The following FKBP9 variants were observed in gnomAD, a reference collection of about 807,000 sequenced individuals.
The protein encoded by FKBP9 is peptidyl-prolyl cis-trans isomerase FKBP9.
In FKBP9, 27 loss-of-function variants were observed where a neutral mutation model predicts 55.6. The ratio of observed to expected loss-of-function variants is 0.49; its 90% CI spans 0.36 to 0.67. FKBP9 has a LOEUF of 0.67. Among genes scored for constraint, FKBP9 ranks in the 30% least tolerant of loss-of-function variants. The pLI, the probability that FKBP9 is intolerant of heterozygous loss-of-function variation, is 0.00. For synonymous variants in FKBP9, 267 were observed against 296.5 expected (o/e 0.90, Z 1.02); for missense variants, 539 against 742.8 (o/e 0.73, Z 3.19).
Position 32,985,182 on chromosome 7 carries a change from T to C in FKBP9, c.894-3325T>C, listed in dbSNP as rs556023009. Among the ~76,000 whole-genome samples, 36 of 150,632 alleles carry C rather than the reference T, an allele frequency of 2.4e-4. No individual in the cohort carries two copies. The South Asian group carries it at 2.9e-3, about 12-fold the overall frequency. ...TTTCTTTTTCTTTCTTTCTTTCTTT[T>C]TTTTTTTTTTTGAGACGGAGCCTCG... On this transcript the variant is annotated intron_variant, in intron 5 of 9. Coordinates refer to ENST00000242209, the MANE Select transcript of FKBP9 (RefSeq NM_007270.5).
intron 1 of FKBP9, among the ~76,000 whole-genome samples, chr7:32,973,682 GTTTT>G (rs745717239): frequency 0.012 from 776 of 64,954 alleles, 13 homozygotes; most frequent in African/African-American, 0.041. Flanking sequence ...GTTTTTTGTT[GTTTT>G]TTTTTTTTTT....
intron 1 of FKBP9, among the ~76,000 whole-genome samples, chr7:32,959,953 G>A (rs1481506529): frequency 6.6e-6 from 1 of 152,026 alleles, no homozygotes. Flanking sequence ...TATATACCTA[G>A]GAGTTGGAAT....
chr7:32,969,569 A>G (rs1303930271), intron 1 of FKBP9, among the ~76,000 whole-genome samples: 2 of 151,952 alleles, frequency 1.3e-5, no homozygotes, highest in African/African-American at 4.8e-5. Flanking sequence ...ATTTTGATCT[A>G]TTGGTCTATG....
chr7:32,959,572 C>T (rs896236845), intron 1 of FKBP9, among the ~76,000 whole-genome samples: 1 of 152,140 alleles, frequency 6.6e-6, no homozygotes, highest in African/African-American at 2.4e-5. Flanking sequence ...TTCATCACCC[C>T]CAAAAAAGAA....
intron 6 of FKBP9, among the ~76,000 whole-genome samples, chr7:32,990,120 C>G (rs1784652003): frequency 6.6e-6 from 1 of 152,102 alleles, no homozygotes; most frequent in South Asian, 2.1e-4. Flanking sequence ...GTGTGAGCCA[C>G]CATGCCTAGC....
chr7:33,002,358 C>A (rs1330643284), intron 8 of FKBP9, among the ~76,000 whole-genome samples: 1 of 152,146 alleles, frequency 6.6e-6, no homozygotes, highest in Non-Finnish European at 1.5e-5. Flanking sequence ...GTCTTGAACT[C>A]CTAATCTCAA....
rs1011865351 is a variant in FKBP9, at chr7:33,005,506, T to A, written c.*155T>A. ...ACCTGGTGTACACATCGGGGTGGGT[T>A]GATATATGGGGTGAGAAGTTTGGGC... is the stretch of plus-strand genomic sequence containing the variant. On this transcript the variant is annotated 3_prime_UTR_variant, in exon 10 of 10. Coordinates refer to ENST00000242209, the MANE Select transcript of FKBP9 (RefSeq NM_007270.5). 4 of 757,166 alleles carry A rather than the reference T, an allele frequency of 5.3e-6. No homozygotes were observed. In the African/African-American group the frequency reaches 7.1e-5, roughly 13 times the overall value. 46.9% of individuals were successfully genotyped at this position (757,166 alleles called of 1,614,324 possible).
At chr7:32,987,065 A>G (rs1299355573) in intron 5 of FKBP9, among the ~76,000 whole-genome samples, 1 of 152,234 alleles carries the variant, frequency 6.6e-6, no homozygotes, top group Non-Finnish European at 1.5e-5. Flanking sequence ...GGCTCCTGCC[A>G]GGAGCACTTG....
rs1438624720 is a variant in FKBP9, at chr7:32,967,012, G to A, written c.222-7605G>A. Reference sequence around the variant, plus strand: ...TCAAAGCGAGGGAAGAGAGTGAGGTGAAGGTATGTATTCCTCTGGCTTCCT... The same window carrying A: ...TCAAAGCGAGGGAAGAGAGTGAGGTAAAGGTATGTATTCCTCTGGCTTCCT... On this transcript the variant is annotated intron_variant, in intron 1 of 9. Coordinates refer to ENST00000242209, the MANE Select transcript of FKBP9 (RefSeq NM_007270.5). 2.6e-5 allele frequency among the ~76,000 whole-genome samples: 4 copies of A among 152,120 alleles called. No individual in the cohort carries two copies. In the East Asian group the frequency reaches 7.7e-4, roughly 29 times the overall value.
In FKBP9 at chr7:32,957,690, G is replaced by A. The variant is rs1480665634; in HGVS notation, c.117G>A (p.Glu39=). The A allele has an allele frequency of 1.3e-6, 2 of 1,533,858 alleles. No homozygotes were observed. The highest frequency in any genetic ancestry group is 8.7e-7 in the Non-Finnish European group (1 of 1,149,750). The change falls in exon 1 of 10, where the codon GAG becomes GAA. Residue 39 remains glutamate, a synonymous_variant. Transcript: ENST00000242209. ...GCTCCGACGCGGAGCTGCAGATCGA[G>A]CGGCGCTTCGTGCCCGACGAGTGCC... ...GLGSDAELQI[E]RRFVPDECPR...
intron 7 of FKBP9, among the ~76,000 whole-genome samples, chr7:32,997,208 T>C (rs1238193549): frequency 6.6e-6 from 1 of 152,146 alleles, no homozygotes; most frequent in Non-Finnish European, 1.5e-5. Context: ...TAGCTGGGAT[T>C]GCAGGCACGC....
chr7:32,983,505 GGGTTT>G (rs1406303577), intron 5 of FKBP9, among the ~76,000 whole-genome samples: 2 of 151,410 alleles, frequency 1.3e-5, no homozygotes, highest in East Asian at 3.9e-4. Flanking sequence ...GATAGAGACA[GGGTTT>G]TGCCATGTTG....
intron 5 of FKBP9, among the ~76,000 whole-genome samples, chr7:32,988,132 T>C (rs1250065259): frequency 6.6e-6 from 1 of 152,132 alleles, no homozygotes; most frequent in East Asian, 1.9e-4. Flanking sequence ...GTGAGCTGTC[T>C]ATGATGGTGC....
At chr7:32,961,689 G>T (rs191083925) in intron 1 of FKBP9, among the ~76,000 whole-genome samples, 2 of 151,906 alleles carry the variant, frequency 1.3e-5, no homozygotes, top group African/African-American at 2.4e-5. Flanking sequence ...CAGTGTCTCC[G>T]CATTGCTCAC....
At chr7:32,963,268 C>T (rs1784061284) in intron 1 of FKBP9, among the ~76,000 whole-genome samples, 2 of 72,254 alleles carry the variant, frequency 2.8e-5, no homozygotes, top group Non-Finnish European at 5.3e-5. Flanking sequence ...GGGGACCTGG[C>T]ACTGGAAGGG....
chr7:32,987,623 G>T (rs1461320065), intron 5 of FKBP9, among the ~76,000 whole-genome samples: 1 of 152,026 alleles, frequency 6.6e-6, no homozygotes, highest in Non-Finnish European at 1.5e-5. Flanking sequence ...TTCTGATAAG[G>T]GCTACGTTCG....
chr7:32,969,439 G>A (rs1272421913), intron 1 of FKBP9, among the ~76,000 whole-genome samples: 1 of 152,004 alleles, frequency 6.6e-6, no homozygotes, highest in African/African-American at 2.4e-5. Context: ...TTATTCTTTT[G>A]CATGTGGAGA....
intron 1 of FKBP9, 172 bp from the exon 2 acceptor site, chr7:32,974,445 A>G (rs1240870727): frequency 4.6e-6 from 2 of 435,660 alleles, no homozygotes; most frequent in African/African-American, 2.0e-5. Flanking sequence ...AAAATTTCCA[A>G]CCCTACAAGT....
chr7:32,985,180 T>C (rs926185143), intron 5 of FKBP9, among the ~76,000 whole-genome samples: 5 of 146,516 alleles, frequency 3.4e-5, no homozygotes, highest in African/African-American at 1.2e-4. Flanking sequence ...CTTTCTTTCT[T>C]TTTTTTTTTT....
Sources: gnomAD v4.1 joint callset for allele counts (sites outside exome capture counted in the v4.1 genomes callset) on GRCh38, gnomAD v4.1.1 for gene constraint, MANE v1.5 for transcripts, NCBI Gene and HGNC (gene_info 2026-07-23, HGNC 2026-07-21) for gene names.